ZNF521: variants seen among roughly 807,000 people sequenced by gnomAD.
The protein encoded by ZNF521 is zinc finger protein 521, also known as LYST-interacting protein 3.
In ZNF521, 14 loss-of-function variants were observed where a neutral mutation model predicts 105.5. That is an observed-to-expected ratio of 0.13 (90% confidence interval 0.09 to 0.21). The LOEUF is 0.21. ZNF521 is among the 10% of genes least tolerant of loss of function. The probability of loss-of-function intolerance (pLI) is 1.00; values close to 1 mark genes in which losing one functional copy is unlikely to be tolerated. For missense variants in ZNF521, 1,233 were observed against 1,629.7 expected (o/e 0.76, Z 4.19); for synonymous variants, 635 against 606.0 (o/e 1.05, Z -0.70).
chr18:25,092,237 G>A (rs2033762178), intron 5 of ZNF521, among the ~76,000 whole-genome samples, 156 bp from the exon 6 acceptor site: 1 of 152,094 alleles, frequency 6.6e-6, no homozygotes, highest in Admixed American at 6.5e-5. Context: ...CATTATTCAT[G>A]AGTTTATATC....
At chr18:25,138,890 G>T (rs905111801) in intron 5 of ZNF521, among the ~76,000 whole-genome samples, 1 of 152,114 alleles carries the variant, frequency 6.6e-6, no homozygotes, top group African/African-American at 2.4e-5. Flanking sequence ...TCATTCAACA[G>T]GCCACAGGGC....
intron 5 of ZNF521, among the ~76,000 whole-genome samples, chr18:25,148,487 T>G (rs2034987458): frequency 6.6e-6 from 1 of 152,184 alleles, no homozygotes; most frequent in African/African-American, 2.4e-5. Flanking sequence ...TCTCTCCTTC[T>G]TCTTTCCCTC....
Position 25,212,563 on chromosome 18 carries a change from A to G in ZNF521, c.3573+11782T>C, listed in dbSNP as rs550869627. Among the ~76,000 whole-genome samples the G allele has an allele frequency of 4.6e-3, 589 of 128,952 alleles. 10 individuals are homozygous for G. Among genetic ancestry groups the G allele is most frequent in the African/African-American group, 0.017 (551 of 32,332 alleles). 84.6% of individuals were successfully genotyped at this position (128,952 alleles called of 152,430 possible). A position where few individuals can be genotyped will look rare whatever the true frequency, so the allele number is the denominator to read the frequency against. On this transcript the variant is annotated intron_variant, in intron 4 of 7. Transcript: ENST00000361524. Reference sequence around the variant, plus strand: ...AATATATATATATATATATATATATATATGTATAGAAACATATATTTTAAA... The same window carrying G: ...AATATATATATATATATATATATATGTATGTATAGAAACATATATTTTAAA...
intron 3 of ZNF521, among the ~76,000 whole-genome samples, chr18:25,303,990 CTAAT>C (rs1279361217): frequency 2.0e-5 from 3 of 152,142 alleles, no homozygotes; most frequent in African/African-American, 4.8e-5. Context: ...AGAGGATTAA[CTAAT>C]TAACAATTGT....
At chr18:25,273,606 G>C (rs1203310951) in intron 3 of ZNF521, 1 of 152,146 alleles carries the variant, frequency 6.6e-6, no homozygotes, top group African/African-American at 2.4e-5. Flanking sequence ...CTGTAAAAAG[G>C]TAATAACAAT....
At chr18:25,175,922 C>G (rs1382523392) in intron 5 of ZNF521, among the ~76,000 whole-genome samples, 1 of 152,178 alleles carries the variant, frequency 6.6e-6, no homozygotes, top group Non-Finnish European at 1.5e-5. Context: ...GTTTATAAAT[C>G]AGGCTCTATG....
Position 25,337,376 on chromosome 18 carries a change from T to C in ZNF521, c.40+13531A>G, listed in dbSNP as rs113783870. On this transcript the variant is annotated intron_variant, in intron 2 of 7. Coordinates refer to ENST00000361524, the MANE Select transcript of ZNF521 (RefSeq NM_015461.3). The stretch of plus-strand genomic sequence containing the variant: ...CCACCCACAGAGTCAAAAGGCAAAC[T>C]GGGGAAAATATTTGCAACACATAAG... 2.6e-5 allele frequency among the ~76,000 whole-genome samples: 4 copies of C among 152,160 alleles called. 1 individual carries two copies. Among genetic ancestry groups the C allele is most frequent in the African/African-American group, 9.6e-5 (4 of 41,502 alleles).
chr18:25,134,174 AG>A (rs1459342216), intron 5 of ZNF521, among the ~76,000 whole-genome samples: 1 of 152,148 alleles, frequency 6.6e-6, no homozygotes, highest in African/African-American at 2.4e-5. Flanking sequence ...TTAAAGAACA[AG>A]GCTTGCAGAG....
At chr18:25,095,691 T>G (rs1483223492) in intron 5 of ZNF521, among the ~76,000 whole-genome samples, 1 of 152,120 alleles carries the variant, frequency 6.6e-6, no homozygotes, top group Non-Finnish European at 1.5e-5. Context: ...AGCTAAAAAA[T>G]TAGATAGGAA....
At chr18:25,348,482 T>C (rs747440325) in intron 2 of ZNF521, among the ~76,000 whole-genome samples, 1 of 152,132 alleles carries the variant, frequency 6.6e-6, no homozygotes, top group Non-Finnish European at 1.5e-5. Flanking sequence ...AGAAAAACAA[T>C]CCGCTCTTCA....
chr18:25,240,318 G>A (rs1277394210), intron 3 of ZNF521, among the ~76,000 whole-genome samples: 1 of 152,024 alleles, frequency 6.6e-6, no homozygotes, highest in African/African-American at 2.4e-5. Flanking sequence ...CCACTCTTAG[G>A]TGACTTATCC....
At chr18:25,309,243 C>T (rs867143525) in intron 3 of ZNF521, among the ~76,000 whole-genome samples, 2 of 152,186 alleles carry the variant, frequency 1.3e-5, no homozygotes, top group Admixed American at 6.5e-5. Flanking sequence ...GTATCAATAA[C>T]GCCAAGAGAA....
chr18:25,111,792 G>A (rs2034195497), intron 5 of ZNF521, among the ~76,000 whole-genome samples: 1 of 152,182 alleles, frequency 6.6e-6, no homozygotes, highest in Non-Finnish European at 1.5e-5. Context: ...CAGATGTCAG[G>A]CAAGCCTGAC....
chr18:25,289,267 A>G (rs1456744480), intron 3 of ZNF521, among the ~76,000 whole-genome samples: 1 of 152,232 alleles, frequency 6.6e-6, no homozygotes, highest in African/African-American at 2.4e-5. Flanking sequence ...ATCTTAAATA[A>G]AAGTCTTTAT....
intron 3 of ZNF521, among the ~76,000 whole-genome samples, chr18:25,300,750 T>C (rs1253605774): frequency 6.6e-6 from 1 of 152,232 alleles, no homozygotes; most frequent in Admixed American, 6.5e-5. Context: ...TATTTAACTT[T>C]AATTTCAGTA....
At chr18:25,290,165 A>C (rs951501988) in intron 3 of ZNF521, among the ~76,000 whole-genome samples, 4 of 152,228 alleles carry the variant, frequency 2.6e-5, no homozygotes, top group African/African-American at 9.6e-5. Flanking sequence ...GATGAACTGC[A>C]TGCAGTCTGC....
chr18:25,253,087 CTCTT>C (rs773766980), intron 3 of ZNF521, among the ~76,000 whole-genome samples: 12 of 152,272 alleles, frequency 7.9e-5, no homozygotes, highest in Middle Eastern at 6.8e-3. Context: ...CTGTAAGTAA[CTCTT>C]TATCCCTTGC....
At chr18:25,205,141 T>TAAAAAAAAAAAAAAAAAAAAAAAAAA (rs34563599) in intron 4 of ZNF521, among the ~76,000 whole-genome samples, 1 of 74,934 alleles carries the variant, frequency 1.3e-5, no homozygotes, top group African/African-American at 6.2e-5. Context: ...GTAGTGAAGG[T>TAAAAAAAAAAAAAAAAAAAAAAAAAA]AAAAAAAAAA....
At chr18:25,332,417 T>C (rs1158398061) in intron 2 of ZNF521, among the ~76,000 whole-genome samples, 2 of 150,620 alleles carry the variant, frequency 1.3e-5, no homozygotes, top group African/African-American at 4.9e-5. Flanking sequence ...AATTTATGTA[T>C]AATTGAAAAA....
Sources: allele counts gnomAD v4.1 joint callset (sites outside exome capture counted in the v4.1 genomes callset), GRCh38; gene constraint gnomAD v4.1.1; transcripts MANE v1.5; gene names NCBI Gene and HGNC (gene_info 2026-07-23, HGNC 2026-07-21).